The following KDM2B variants were observed in gnomAD, a reference collection of about 807,000 sequenced individuals.
KDM2B encodes the protein lysine demethylase 2B, also known as lysine-specific demethylase 2B.
Under a neutral mutation model 150.0 loss-of-function variants are expected in KDM2B, and 26 were observed. The ratio of observed to expected loss-of-function variants is 0.17; its 90% CI spans 0.13 to 0.24. The LOEUF is 0.24. KDM2B is among the 10% of genes least tolerant of loss of function. KDM2B has a pLI of 1.00. For synonymous variants in KDM2B, 734 were observed against 729.5 expected (o/e 1.01, Z -0.10); for missense variants, 1,265 against 1,816.9 (o/e 0.70, Z 5.52).
intron 3 of KDM2B, 70 bp from the exon 4 acceptor site, chr12:121,574,663 G>C (rs1267712828): frequency 5.0e-6 from 7 of 1,411,662 alleles, no homozygotes; most frequent in East Asian, 2.3e-5. Context: ...CCTGGGCCCG[G>C]GGGGAAGCCA....
intron 6 of KDM2B, among the ~76,000 whole-genome samples, chr12:121,541,278 G>A (rs1555309721): frequency 6.6e-6 from 1 of 151,358 alleles, no homozygotes; most frequent in Non-Finnish European, 1.5e-5. Flanking sequence ...TACACCTGTA[G>A]TGCCAGCTAC....
chr12:121,433,003 C>T (rs1391596823), intron 22 of KDM2B: 5 of 393,050 alleles, frequency 1.3e-5, no homozygotes, highest in Admixed American at 6.1e-5. Flanking sequence ...GCCTCAAGTG[C>T]ATCCTGGCAG....
chr12:121,488,078 T>C (rs1882968602), intron 12 of KDM2B, among the ~76,000 whole-genome samples: 1 of 152,040 alleles, frequency 6.6e-6, no homozygotes, highest in African/African-American at 2.4e-5. Context: ...CCATCCTACC[T>C]AGCTAAAGCA....
chr12:121,570,048 G>GGTTTT (rs1196701289), intron 4 of KDM2B, among the ~76,000 whole-genome samples: 2 of 151,324 alleles, frequency 1.3e-5, no homozygotes, highest in African/African-American at 4.9e-5. Flanking sequence ...GGGTTTTTTT[G>GGTTTT]GTTTTGTTTT....
At chr12:121,556,166 C>A (rs1398029202) in intron 4 of KDM2B, among the ~76,000 whole-genome samples, 5 of 152,064 alleles carry the variant, frequency 3.3e-5, no homozygotes, top group African/African-American at 1.2e-4. Flanking sequence ...ACATTGTGAT[C>A]TGCCCTCCTC....
chr12:121,550,648 C>T (rs1889415442), intron 4 of KDM2B, among the ~76,000 whole-genome samples: 1 of 152,128 alleles, frequency 6.6e-6, no homozygotes, highest in Admixed American at 6.6e-5. Flanking sequence ...CATGTGCTAC[C>T]ACACCTTGCT....
downstream of KDM2B, among the ~76,000 whole-genome samples, chr12:121,428,034 ACAAT>A (rs782095813): frequency 8.5e-5 from 13 of 152,356 alleles, no homozygotes; most frequent in Admixed American, 1.3e-4. Context: ...TGCATTTTAA[ACAAT>A]CAATCAGGCT....
chr12:121,510,615 A>C (rs1322346776), intron 10 of KDM2B, among the ~76,000 whole-genome samples: 2 of 152,102 alleles, frequency 1.3e-5, no homozygotes, highest in Non-Finnish European at 2.9e-5. Context: ...AAACACAGTG[A>C]AACCCCATCT....
At position 121,580,696 on chromosome 12, in the gene KDM2B, C is replaced by G. The variant is rs1389130036; in HGVS notation, c.126+90G>C. 2.7e-6 allele frequency: 4 copies of G among 1,484,566 alleles called. No homozygotes were observed. The East Asian group carries it at 9.9e-5, about 37-fold the overall frequency. The allele number at this position is 1,484,566 out of a possible 1,614,324, so 92.0% of individuals were successfully genotyped here. ...TGAAAGCCCCCGGGGCCTGGCACCC[C>G]CAAAAACGACCCCCCACCTCCGTTC... On this transcript the variant is annotated intron_variant, in intron 1 of 22. Transcript: ENST00000377071.
intron 2 of KDM2B, among the ~76,000 whole-genome samples, chr12:121,577,315 T>G (rs1236012148): frequency 4.0e-5 from 6 of 151,726 alleles, no homozygotes; most frequent in African/African-American, 1.5e-4. Flanking sequence ...CCCAAATGAC[T>G]AGGAAGAGTT....
intron 9 of KDM2B, chr12:121,516,833 G>A (rs1313983544): frequency 1.0e-5 from 7 of 675,556 alleles, no homozygotes; most frequent in East Asian, 8.1e-5. Flanking sequence ...ATGTGAGAGT[G>A]GGTGGAAGTG....
chr12:121,448,293 C>T (rs539200806), intron 13 of KDM2B, among the ~76,000 whole-genome samples: 37 of 132,578 alleles, frequency 2.8e-4, no homozygotes, highest in African/African-American at 1.1e-3. Context: ...GCACTCCAGC[C>T]TGAGCGACAC....
intron 9 of KDM2B, among the ~76,000 whole-genome samples, chr12:121,517,046 A>G (rs1555305145): frequency 7.2e-5 from 11 of 152,112 alleles, no homozygotes. Context: ...GAGGGGGGGA[A>G]AGATAAATAA....
At position 121,490,279 on chromosome 12, in the gene KDM2B, T is replaced by G. The variant is rs911331074; in HGVS notation, c.1734+4300A>C. Among the ~76,000 whole-genome samples, 3 of 152,222 alleles carry G rather than the reference T, an allele frequency of 2.0e-5. No individual in the cohort carries two copies. In the East Asian group the frequency reaches 5.8e-4, roughly 29 times the overall value. ...AGGAAGCTGATCCAACAGCTACTGA[T>G]GAGGACTGTCTCCATGCCCCCATCA... On this transcript the variant is annotated intron_variant, in intron 12 of 22. Coordinates refer to ENST00000377071, the MANE Select transcript of KDM2B (RefSeq NM_032590.5).
intron 12 of KDM2B, among the ~76,000 whole-genome samples, chr12:121,460,914 A>G (rs1205826851): frequency 6.6e-6 from 1 of 152,174 alleles, no homozygotes; most frequent in African/African-American, 2.4e-5. Context: ...TCTATGAGGA[A>G]GGAATTACTA....
At chr12:121,441,511 A>C (rs1251494460) in intron 19 of KDM2B, among the ~76,000 whole-genome samples, 5 of 152,060 alleles carry the variant, frequency 3.3e-5, no homozygotes, top group Non-Finnish European at 5.9e-5. Context: ...ATCTCTGCTC[A>C]CCACAACCTC....
At chr12:121,454,310 TA>T (rs1211857246) in intron 12 of KDM2B, among the ~76,000 whole-genome samples, 1 of 152,196 alleles carries the variant, frequency 6.6e-6, no homozygotes, top group African/African-American at 2.4e-5. Flanking sequence ...GATGGGATAG[TA>T]ACCTTTAGGT....
At chr12:121,562,557 C>G (rs1449135618) in intron 4 of KDM2B, among the ~76,000 whole-genome samples, 2 of 151,994 alleles carry the variant, frequency 1.3e-5, no homozygotes, top group East Asian at 3.9e-4. Context: ...CTCCAAAACA[C>G]AGTCCATCAA....
chr12:121,434,774 G>C (rs1355715439), intron 22 of KDM2B, among the ~76,000 whole-genome samples: 2 of 152,004 alleles, frequency 1.3e-5, no homozygotes, highest in African/African-American at 4.8e-5. Context: ...TGGCCAATAT[G>C]GTGAAACCTC....
Sources: allele counts gnomAD v4.1 joint callset (sites outside exome capture counted in the v4.1 genomes callset), GRCh38; gene constraint gnomAD v4.1.1; transcripts MANE v1.5; gene names NCBI Gene and HGNC (gene_info 2026-07-23, HGNC 2026-07-21).